The following DRC11 variants were observed in gnomAD, a reference collection of about 807,000 sequenced individuals.
DRC11 encodes dynein regulatory complex subunit 11.
the DRC11 span, among the ~76,000 whole-genome samples, chr2:236,360,936 C>T: frequency 2.0e-5 from 3 of 152,242 alleles, no homozygotes; most frequent in African/African-American, 4.8e-5. The surrounding 1 kb of genome is among the most constrained non-coding windows in gnomAD (Gnocchi z 5.8). Context: ...AACAAAGCCC[C>T]GCTTGCTTCA....
the DRC11 span, among the ~76,000 whole-genome samples, chr2:236,458,831 A>G: frequency 1.3e-5 from 2 of 152,142 alleles, no homozygotes; most frequent in African/African-American, 4.8e-5. Flanking sequence ...GGATTACCTG[A>G]GGTCAGGAGT....
the DRC11 span, among the ~76,000 whole-genome samples, chr2:236,358,095 CATATGAATATATATTATACACT>C: frequency 9.3e-6 from 1 of 107,290 alleles, no homozygotes; most frequent in Non-Finnish European, 1.7e-5. Context: ...AGATATATAC[CATATGAATATATATTATACACT>C]ATATGAATAT....
At chr2:236,468,309 C>G in the DRC11 span, among the ~76,000 whole-genome samples, 2 of 152,032 alleles carry the variant, frequency 1.3e-5, no homozygotes, top group Non-Finnish European at 2.9e-5. Flanking sequence ...CTAGGCTGGT[C>G]TTGAACTCCT....
At chr2:236,503,976 A>C in the DRC11 span, among the ~76,000 whole-genome samples, 1 of 152,116 alleles carries the variant, frequency 6.6e-6, no homozygotes, top group Admixed American at 6.5e-5. This position sits in a 1 kb window ranked among gnomAD's most constrained non-coding sequence, Gnocchi z 4.9. Flanking sequence ...CACAGCATAG[A>C]ATTCACTCTT....
chr2:236,442,664 G>A, the DRC11 span, among the ~76,000 whole-genome samples: 1 of 152,120 alleles, frequency 6.6e-6, no homozygotes, highest in South Asian at 2.1e-4. Context: ...GCAGAATTAT[G>A]TGGGTGTTCC....
chr2:236,323,916 C>T, the DRC11 span, among the ~76,000 whole-genome samples: 896 of 152,246 alleles, frequency 5.9e-3, 14 homozygotes, highest in African/African-American at 0.02. This position sits in a 1 kb window ranked among gnomAD's most constrained non-coding sequence, Gnocchi z 6.4. Flanking sequence ...TATTTCTTCA[C>T]GTCGGCTTTC....
At chr2:236,487,908 G>T in the DRC11 span, 1 of 790,910 alleles carries the variant, frequency 1.3e-6, no homozygotes, top group Non-Finnish European at 1.9e-6. Flanking sequence ...AGGATTTGGT[G>T]TTTGAGTTTT....
the DRC11 span, among the ~76,000 whole-genome samples, chr2:236,325,730 G>A: frequency 6.6e-6 from 1 of 152,100 alleles, no homozygotes; most frequent in Non-Finnish European, 1.5e-5. The surrounding 1 kb of genome is among the most constrained non-coding windows in gnomAD (Gnocchi z 4.4). Flanking sequence ...AGCCTCCGGA[G>A]TAGCTGGGAT....
the DRC11 span, among the ~76,000 whole-genome samples, chr2:236,370,815 T>G: frequency 4.6e-3 from 14 of 3,022 alleles, no homozygotes; most frequent in South Asian, 0.042. This position sits in a 1 kb window ranked among gnomAD's most constrained non-coding sequence, Gnocchi z 5.5. Flanking sequence ...GTGGTGGGGG[T>G]GGGCTGGTGG....
chr2:236,449,668 T>C, the DRC11 span, among the ~76,000 whole-genome samples: 1 of 152,228 alleles, frequency 6.6e-6, no homozygotes, highest in Non-Finnish European at 1.5e-5. The surrounding 1 kb of genome is among the most constrained non-coding windows in gnomAD (Gnocchi z 5.1). Flanking sequence ...CAGGCATCTC[T>C]GCTAGCCCCG....
At chr2:236,411,707 T>A in the DRC11 span, among the ~76,000 whole-genome samples, 41 of 146,766 alleles carry the variant, frequency 2.8e-4, no homozygotes, top group Non-Finnish European at 1.8e-4. Flanking sequence ...CATGGAATAC[T>A]ATGCAGCCAT....
At chr2:236,357,402 T>C in the DRC11 span, among the ~76,000 whole-genome samples, 2 of 119,904 alleles carry the variant, frequency 1.7e-5, no homozygotes, top group Non-Finnish European at 3.3e-5. Context: ...ATATAGTATA[T>C]GCATATTTAT....
At chr2:236,363,252 C>T in the DRC11 span, among the ~76,000 whole-genome samples, 1 of 152,012 alleles carries the variant, frequency 6.6e-6, no homozygotes, top group Non-Finnish European at 1.5e-5. The surrounding 1 kb of genome is among the most constrained non-coding windows in gnomAD (Gnocchi z 5.6). Context: ...AAATGGAGAC[C>T]CAGGGAAGCT....
chr2:236,387,718 G>T, the DRC11 span, among the ~76,000 whole-genome samples: 12 of 151,226 alleles, frequency 7.9e-5, no homozygotes, highest in African/African-American at 2.9e-4. Context: ...ACGTTAGCTG[G>T]TTATTTTGCT....
At chr2:236,336,288 A>G in the DRC11 span, among the ~76,000 whole-genome samples, 3 of 152,154 alleles carry the variant, frequency 2.0e-5, no homozygotes, top group African/African-American at 4.8e-5. This position sits in a 1 kb window ranked among gnomAD's most constrained non-coding sequence, Gnocchi z 7.3. Flanking sequence ...AAAAAAACGG[A>G]GCAGCAACTT....
At chr2:236,469,229 G>A in the DRC11 span, among the ~76,000 whole-genome samples, 7 of 151,934 alleles carry the variant, frequency 4.6e-5, no homozygotes, top group African/African-American at 7.3e-5. This position sits in a 1 kb window ranked among gnomAD's most constrained non-coding sequence, Gnocchi z 5.8. Flanking sequence ...TTTTTGAGAC[G>A]GAGTCTCACT....
At chr2:236,423,647 G>T in the DRC11 span, among the ~76,000 whole-genome samples, 4,339 of 152,186 alleles carry the variant, frequency 0.029, 204 homozygotes, top group African/African-American at 0.099. Flanking sequence ...GTGTGGCGAT[G>T]CCTCAGGGAT....
chr2:236,360,420 C>G, the DRC11 span, among the ~76,000 whole-genome samples: 1 of 152,160 alleles, frequency 6.6e-6, no homozygotes, highest in Non-Finnish European at 1.5e-5. This position sits in a 1 kb window ranked among gnomAD's most constrained non-coding sequence, Gnocchi z 5.8. Flanking sequence ...TAGATGCTTA[C>G]GAAACACTAA....
At chr2:236,418,282 T>C in the DRC11 span, among the ~76,000 whole-genome samples, 1 of 152,248 alleles carries the variant, frequency 6.6e-6, no homozygotes, top group Admixed American at 6.5e-5. Context: ...TGGCGTGAGA[T>C]AGTATCTCAT....
Sources: gnomAD v4.1 joint callset for allele counts (sites outside exome capture counted in the v4.1 genomes callset) on GRCh38, gnomAD v4.1.1 for gene constraint, Gnocchi (gnomAD v3.1) non-coding constraint, MANE v1.5 for transcripts, NCBI Gene and HGNC (gene_info 2026-07-23, HGNC 2026-07-21) for gene names.